The following SH3RF2 variants were observed in gnomAD, a reference collection of about 807,000 sequenced individuals.
The protein encoded by SH3RF2 is SH3 domain containing ring finger 2.
SH3RF2 carries 43 observed loss-of-function variants against 59.0 expected under a neutral mutation model. The ratio of observed to expected loss-of-function variants is 0.73; its 90% CI spans 0.57 to 0.94. The LOEUF (loss-of-function observed/expected upper bound fraction) is 0.94, where lower values mean the gene tolerates loss of function less well. SH3RF2 is among the 40% of genes least tolerant of loss of function. The pLI is 0.00. For missense variants in SH3RF2, 930 were observed against 940.1 expected (o/e 0.99, Z 0.14); for synonymous variants, 391 against 391.5 (o/e 1.00, Z 0.01).
At chr5:146,037,660 T>C (rs983202381) in intron 5 of SH3RF2, among the ~76,000 whole-genome samples, 1 of 152,220 alleles carries the variant, frequency 6.6e-6, no homozygotes, top group Non-Finnish European at 1.5e-5. Flanking sequence ...AGAATAACAT[T>C]GTAAGCATTT....
intron 5 of SH3RF2, among the ~76,000 whole-genome samples, chr5:146,044,762 CTTCA>C (rs1195334295): frequency 6.6e-6 from 1 of 152,164 alleles, no homozygotes; most frequent in Non-Finnish European, 1.5e-5. Context: ...CACCCCTCTT[CTTCA>C]TTGTCTCCTT....
rs149564662 is a variant in SH3RF2, at chr5:145,943,956, G to A, written c.378+5650G>A. Reference sequence around the variant, plus strand: ...GTTGCCTGCCCACCTGTCCGTTCATGCTATAAAAAGTCTCAGGAGAGAAGA... The same window carrying A: ...GTTGCCTGCCCACCTGTCCGTTCATACTATAAAAAGTCTCAGGAGAGAAGA... On this transcript the variant is annotated intron_variant, in intron 2 of 9. Transcript: ENST00000359120. Among the ~76,000 whole-genome samples, 309 of 152,292 alleles carry A rather than the reference G, an allele frequency of 2.0e-3. 2 individuals are homozygous for A. The highest frequency in any genetic ancestry group is 7.2e-3 in the African/African-American group (301 of 41,542).
chr5:146,000,135 C>G lies in SH3RF2; in HGVS notation c.456C>G (p.Ile152Met), dbSNP rs1453523304. 6.2e-7 allele frequency: 1 copy of G among 1,613,820 alleles called. No individual in the cohort carries two copies. Among genetic ancestry groups the G allele is most frequent in the Non-Finnish European group, 8.5e-7 (1 of 1,179,860 alleles). ...GDLRFNKGDIILLRRQLDENW... is the reference protein window; with the variant it reads ...GDLRFNKGDIMLLRRQLDENW... ...TAAGGTTTAATAAGGGAGATATCAT[C>G]CTTCTCCGGAGACAGCTTGATGAGA... The change falls in exon 3 of 10, where the codon ATC becomes ATG. Residue 152 changes from isoleucine to methionine, a missense_variant. Ile to Met is a conservative substitution (Grantham distance 10, BLOSUM62 1). Transcript: ENST00000359120.
intron 2 of SH3RF2, among the ~76,000 whole-genome samples, chr5:145,980,253 G>T (rs1331668564): frequency 6.6e-6 from 1 of 152,180 alleles, no homozygotes; most frequent in Non-Finnish European, 1.5e-5. Flanking sequence ...CGAGGCAGTT[G>T]TAAGTTCCTC....
Position 145,969,350 on chromosome 5 carries a change from A to G in SH3RF2, c.379-30708A>G, listed in dbSNP as rs191847109. Among the ~76,000 whole-genome samples the G allele has an allele frequency of 3.9e-5, 6 of 152,320 alleles. No homozygotes were observed. In the East Asian group the frequency reaches 1.2e-3, roughly 29 times the overall value. On this transcript the variant is annotated intron_variant, in intron 2 of 9. Transcript: ENST00000359120. ...ACAGTGTAGAGTTGATAGTGCAATC[A>G]GAATTAAAAAGAAGGGGAGTTGGTG...
intron 5 of SH3RF2, among the ~76,000 whole-genome samples, chr5:146,036,746 C>CA (rs1333081882): frequency 1.3e-5 from 2 of 152,148 alleles, no homozygotes; most frequent in African/African-American, 4.8e-5. Flanking sequence ...ATTCTGTGCC[C>CA]AACCAATGGG....
chr5:146,049,025 C>T (rs748766750), intron 6 of SH3RF2, 50 bp from the exon 7 acceptor site: 2 of 1,605,316 alleles, frequency 1.2e-6, no homozygotes, highest in Non-Finnish European at 1.7e-6. Flanking sequence ...CCATGCCCCC[C>T]ATCAGGCACG....
intron 5 of SH3RF2, among the ~76,000 whole-genome samples, chr5:146,030,010 A>C (rs1335284497): frequency 6.6e-6 from 1 of 152,254 alleles, no homozygotes; most frequent in Admixed American, 6.5e-5. Context: ...AGAATATTGC[A>C]AGCACCAGTT....
At chr5:146,004,027 T>C (rs1191328389) in intron 3 of SH3RF2, 31 bp from the exon 4 acceptor site, 2 of 1,594,898 alleles carry the variant, frequency 1.3e-6, no homozygotes, top group Non-Finnish European at 1.7e-6. Context: ...AAAATGAGAG[T>C]AAATGCTGAC....
chr5:145,942,895 G>A (rs1757872041), intron 2 of SH3RF2, among the ~76,000 whole-genome samples: 1 of 152,080 alleles, frequency 6.6e-6, no homozygotes, highest in African/African-American at 2.4e-5. Flanking sequence ...ATGGTGAAGT[G>A]GGCTGTATTT....
intron 2 of SH3RF2, among the ~76,000 whole-genome samples, chr5:145,977,019 C>T (rs1470581606): frequency 6.6e-6 from 1 of 152,228 alleles, no homozygotes; most frequent in East Asian, 1.9e-4. Context: ...GTGAAATGCA[C>T]TCATGTGCTC....
intron 2 of SH3RF2, among the ~76,000 whole-genome samples, chr5:145,961,478 G>A (rs1160688556): frequency 6.6e-6 from 1 of 152,152 alleles, no homozygotes; most frequent in African/African-American, 2.4e-5. Flanking sequence ...GGTACAGATA[G>A]GAAACGATTT....
At chr5:146,064,710 GAAAGAAAGA>G (rs2150025479), downstream of SH3RF2, among the ~76,000 whole-genome samples, 3 of 26,040 alleles carry the variant, frequency 1.2e-4, 1 homozygote, top group African/African-American at 4.2e-4. Context: ...AAGAAAGAAA[GAAAGAAAGA>G]AAGAAAGAAA....
intron 8 of SH3RF2, among the ~76,000 whole-genome samples, chr5:146,057,833 C>T (rs1762722380): frequency 6.6e-6 from 1 of 152,000 alleles, no homozygotes; most frequent in African/African-American, 2.4e-5. Flanking sequence ...GTCTCAGCTA[C>T]TTTTGGGGCT....
intron 2 of SH3RF2, among the ~76,000 whole-genome samples, chr5:145,980,423 C>T (rs1561721576): frequency 6.6e-6 from 1 of 152,142 alleles, no homozygotes; most frequent in Non-Finnish European, 1.5e-5. Context: ...TGACAGTCCA[C>T]CCCAATCTAT....
chr5:146,058,996 C>A (rs934082263), intron 8 of SH3RF2, among the ~76,000 whole-genome samples: 1 of 152,086 alleles, frequency 6.6e-6, no homozygotes, highest in Non-Finnish European at 1.5e-5. Flanking sequence ...AACAGACATG[C>A]GGCATTTATC....
At chr5:145,963,290 T>G (rs35765349) in intron 2 of SH3RF2, among the ~76,000 whole-genome samples, 6,459 of 139,148 alleles carry the variant, frequency 0.046, 484 homozygotes, top group African/African-American at 0.19. Context: ...ATGGATGGAT[T>G]AATAACTATA....
At chr5:146,043,364 G>A (rs1041132294) in intron 5 of SH3RF2, among the ~76,000 whole-genome samples, 1 of 152,118 alleles carries the variant, frequency 6.6e-6, no homozygotes, top group African/African-American at 2.4e-5. Flanking sequence ...GAAGCTGAGC[G>A]ATTCTCATCC....
chr5:146,005,419 CAG>C (rs1447161664), intron 4 of SH3RF2, among the ~76,000 whole-genome samples: 2 of 152,132 alleles, frequency 1.3e-5, no homozygotes, highest in Non-Finnish European at 2.9e-5. Context: ...GGGTTTGAAA[CAG>C]AACAGACCAC....
Sources: gnomAD v4.1 joint callset for allele counts (sites outside exome capture counted in the v4.1 genomes callset) on GRCh38, gnomAD v4.1.1 for gene constraint, MANE v1.5 for transcripts, NCBI Gene and HGNC (gene_info 2026-07-23, HGNC 2026-07-21) for gene names.